PIEZO2: variants seen among roughly 807,000 people sequenced by gnomAD.
PIEZO2 encodes the protein piezo-type mechanosensitive ion channel component 2.
Under a neutral mutation model 337.3 loss-of-function variants are expected in PIEZO2, and 172 were observed. The observed-to-expected ratio is 0.51, with a 90% CI of 0.45 to 0.58. The LOEUF (loss-of-function observed/expected upper bound fraction) is 0.58. PIEZO2 is among the 20% of genes least tolerant of loss of function. The pLI is 0.00. For missense variants in PIEZO2, 3,028 were observed against 3,391.3 expected (o/e 0.89, Z 2.66); for synonymous variants, 1,251 against 1,228.5 (o/e 1.02, Z -0.38).
intron 35 of PIEZO2, 68 bp from the exon 36 acceptor site, chr18:10,731,589 G>T: frequency 2.1e-6 from 2 of 971,780 alleles, no homozygotes; most frequent in Non-Finnish European, 2.8e-6. Flanking sequence ...CCTACACCAA[G>T]CTTCCTGACT....
chr18:11,037,202 G>A (rs991854292), intron 2 of PIEZO2, among the ~76,000 whole-genome samples: 7 of 152,038 alleles, frequency 4.6e-5, no homozygotes, highest in African/African-American at 1.2e-4. Context: ...AGCATCCTTC[G>A]CCTCTAGCTT....
intron 49 of PIEZO2, among the ~76,000 whole-genome samples, chr18:10,687,442 C>A (rs937747548): frequency 3.9e-5 from 6 of 152,046 alleles, no homozygotes; most frequent in African/African-American, 1.4e-4. Flanking sequence ...ATGTTTGGGT[C>A]ACCACTCTAC....
intron 1 of PIEZO2, among the ~76,000 whole-genome samples, chr18:11,114,772 TCA>T (rs564029352): frequency 3.9e-5 from 6 of 152,136 alleles, no homozygotes; most frequent in Non-Finnish European, 7.4e-5. Context: ...GAGAAAATTT[TCA>T]CAGATTGTCA....
intron 1 of PIEZO2, among the ~76,000 whole-genome samples, chr18:11,115,403 T>C (rs977098391): frequency 3.9e-4 from 60 of 152,206 alleles, no homozygotes; most frequent in African/African-American, 1.4e-3. Context: ...TCTGAGGTCA[T>C]GAAGGATAGG....
chr18:10,952,925 T>G lies in PIEZO2; in HGVS notation c.286+26610A>C, dbSNP rs2033364715. Among the ~76,000 whole-genome samples the G allele has an allele frequency of 6.6e-6, 1 of 151,930 alleles. No individual in the cohort carries two copies. Among genetic ancestry groups the G allele is most frequent in the Non-Finnish European group, 1.5e-5 (1 of 67,986 alleles). On this transcript the variant is annotated intron_variant, in intron 3 of 55. Transcript: ENST00000674853. This position sits in a 1 kb window ranked among gnomAD's most constrained non-coding sequence, Gnocchi z 4.1. ...ATCCCTCCCTCCCTCCTTCCTTCCT[T>G]CTTTTTTTCATTCTAAGAAGTATAT... is the stretch of plus-strand genomic sequence containing the variant.
rs991123078 is a variant in PIEZO2, at chr18:11,038,784, A to G, written c.160+27343T>C. 1.3e-5 allele frequency among the ~76,000 whole-genome samples: 2 copies of G among 152,368 alleles called. No homozygotes were observed. Among genetic ancestry groups the G allele is most frequent in the Non-Finnish European group, 2.9e-5 (2 of 68,044 alleles). On this transcript the variant is annotated intron_variant, in intron 2 of 55. Transcript: ENST00000674853. The surrounding 1 kb of genome is among the most constrained non-coding windows in gnomAD (Gnocchi z 4.1). ...TACATACAAATAAAATTAGCTCTAT[A>G]CAACCTATAGGTATAACGGTGAGAC... is the stretch of plus-strand genomic sequence containing the variant.
Position 10,748,560 on chromosome 18 carries a change from G to A in PIEZO2, c.4335C>T (p.Ala1445=). 6.5e-7 allele frequency: 1 copy of A among 1,536,048 alleles called. No individual in the cohort carries two copies. Among genetic ancestry groups the A allele is most frequent in the Non-Finnish European group, 8.7e-7 (1 of 1,146,324 alleles). Residue 1445 remains alanine (A), a synonymous_variant, in exon 30 of 56, where the codon GCC becomes GCT. Transcript: ENST00000674853. This position sits in a 1 kb window ranked among gnomAD's most constrained non-coding sequence, Gnocchi z 5.1. ...AGIIWDSICF[A]FLLLQRRVFM... is the part of the protein sequence containing the mutation. ...AAACTCTTCTTTGCAGCAGGAGGAAGGCAAAACATATGCTGTCCCAAATGA... is the reference window on the plus strand; with the variant it reads ...AAACTCTTCTTTGCAGCAGGAGGAAAGCAAAACATATGCTGTCCCAAATGA...
chr18:10,685,935 T>C (rs2034527602), intron 49 of PIEZO2, among the ~76,000 whole-genome samples: 1 of 149,664 alleles, frequency 6.7e-6, no homozygotes, highest in African/African-American at 2.4e-5. Flanking sequence ...TGATGGCTCT[T>C]TGCCACAACT....
At chr18:11,071,170 C>G (rs1400605748) in intron 1 of PIEZO2, among the ~76,000 whole-genome samples, 6 of 152,176 alleles carry the variant, frequency 3.9e-5, no homozygotes. Flanking sequence ...CTACACCACT[C>G]CCCACATCCC....
In PIEZO2 at chr18:10,923,908, C is replaced by T. The variant is rs565393047; in HGVS notation, c.287-12680G>A. On this transcript the variant is annotated intron_variant, in intron 3 of 55. Transcript: ENST00000674853. ...CTGTAGTTCTATGAGTCAGTCAAGG[C>T]ATCTCTAAAATGAAGGTCAACACAC... is the stretch of plus-strand genomic sequence containing the variant. 1.8e-3 allele frequency among the ~76,000 whole-genome samples: 276 copies of T among 152,220 alleles called. 1 individual carries two copies. The highest frequency in any genetic ancestry group is 3.5e-3 in the Non-Finnish European group (235 of 68,000).
At chr18:11,049,897 C>CA (rs1360405684) in intron 2 of PIEZO2, among the ~76,000 whole-genome samples, 17 of 152,138 alleles carry the variant, frequency 1.1e-4, no homozygotes, top group African/African-American at 3.9e-4. Flanking sequence ...CGGAGTAATA[C>CA]AAAAGGTGAA....
In PIEZO2 at chr18:10,980,549, T is replaced by A. The variant is rs531721455; in HGVS notation, c.161-889A>T. ...ATAAGATAAGAGATACAATGAAGAT[T>A]GTTAACTAGACTTATTTGCAGATAA... On this transcript the variant is annotated intron_variant, in intron 2 of 55. Transcript: ENST00000674853. The surrounding 1 kb of genome is among the most constrained non-coding windows in gnomAD (Gnocchi z 4.8). Among the ~76,000 whole-genome samples the A allele has an allele frequency of 2.0e-5, 3 of 152,306 alleles. No individual in the cohort carries two copies. The South Asian group carries it at 6.2e-4, about 32-fold the overall frequency.
At position 10,845,662 on chromosome 18, in the gene PIEZO2, A is replaced by G. The variant is rs536677772; in HGVS notation, c.917+9691T>C. Among the ~76,000 whole-genome samples, 5 of 152,288 alleles carry G rather than the reference A, an allele frequency of 3.3e-5. No homozygotes were observed. The South Asian group carries it at 1.0e-3, about 32-fold the overall frequency. ...GTAAAGGAGCCCCATTTTCAAGACC[A>G]GGACCCCCACATTAATTAAGAAACA... is the stretch of plus-strand genomic sequence containing the variant. On this transcript the variant is annotated intron_variant, in intron 7 of 55. Coordinates refer to ENST00000674853, the MANE Select transcript of PIEZO2 (RefSeq NM_001378183.1).
intron 18 of PIEZO2, among the ~76,000 whole-genome samples, chr18:10,776,872 C>T (rs1328882778): frequency 6.6e-6 from 1 of 152,084 alleles, no homozygotes; most frequent in African/African-American, 2.4e-5. Flanking sequence ...AATTTAAAAA[C>T]CCACTCTAGT....
intron 1 of PIEZO2, among the ~76,000 whole-genome samples, chr18:11,095,584 T>A (rs1222324872): frequency 2.0e-5 from 3 of 152,178 alleles, no homozygotes; most frequent in Non-Finnish European, 4.4e-5. Context: ...TAAGAGTGCA[T>A]AAAACATAAC....
At chr18:10,802,181 A>C (rs1244158053) in intron 9 of PIEZO2, among the ~76,000 whole-genome samples, 4 of 152,132 alleles carry the variant, frequency 2.6e-5, no homozygotes, top group Non-Finnish European at 4.4e-5. Context: ...GTCTACAACA[A>C]AATGATTATT....
intron 7 of PIEZO2, among the ~76,000 whole-genome samples, chr18:10,827,065 A>G (rs938259484): frequency 5.9e-5 from 9 of 152,246 alleles, no homozygotes; most frequent in African/African-American, 1.7e-4. Flanking sequence ...TATATAGAAA[A>G]TAGATATATA....
chr18:10,902,588 A>G (rs2043077934), intron 4 of PIEZO2, among the ~76,000 whole-genome samples: 1 of 152,200 alleles, frequency 6.6e-6, no homozygotes, highest in South Asian at 2.1e-4. Context: ...TGAGCCACAG[A>G]CTTATAAAGG....
chr18:10,691,326 G>A lies in PIEZO2; in HGVS notation c.7248C>T (p.Phe2416=), dbSNP rs750146397. ...QLWYFVKCVY[F]GLSAYQIRCG... ...AACGGATCTGGTAAGCAGACAACCC[G>A]AAGTAAACACATTTCACAAAGTACC... The change falls in exon 48 of 56, where the codon TTC becomes TTT. Residue 2416 remains phenylalanine, a synonymous_variant. Transcript: ENST00000674853. The A allele has an allele frequency of 6.2e-6, 10 of 1,613,872 alleles. No homozygotes were observed. The highest frequency in any genetic ancestry group is 1.6e-4 in the Middle Eastern group (1 of 6,084).
Sources: gnomAD v4.1 joint callset for allele counts (sites outside exome capture counted in the v4.1 genomes callset) on GRCh38, gnomAD v4.1.1 for gene constraint, Gnocchi (gnomAD v3.1) non-coding constraint, MANE v1.5 for transcripts, NCBI Gene and HGNC (gene_info 2026-07-23, HGNC 2026-07-21) for gene names.